The following PTPN21 variants were observed in gnomAD, a reference collection of about 807,000 sequenced individuals.
PTPN21 encodes tyrosine-protein phosphatase non-receptor type 21.
A neutral mutation model predicts 131.8 loss-of-function variants in PTPN21; 77 were observed. The ratio of observed to expected loss-of-function variants is 0.58; its 90% CI spans 0.49 to 0.71. The LOEUF is 0.71. Ranked by LOEUF, PTPN21 falls within the 30% of genes least tolerant of loss-of-function variation. The pLI, the probability that PTPN21 is intolerant of heterozygous loss-of-function variation, is 0.00. For missense variants in PTPN21, 1,552 were observed against 1,527.1 expected (o/e 1.02, Z -0.27); for synonymous variants, 715 against 621.3 (o/e 1.15, Z -2.24).
At chr14:88,549,574 G>A (rs936280592) in intron 2 of PTPN21, among the ~76,000 whole-genome samples, 4 of 151,968 alleles carry the variant, frequency 2.6e-5, no homozygotes, top group Non-Finnish European at 1.5e-5. Flanking sequence ...GCCAGCATGC[G>A]GGCCAGAGAA....
At chr14:88,531,393 C>A (rs988579356) in intron 2 of PTPN21, among the ~76,000 whole-genome samples, 1 of 152,056 alleles carries the variant, frequency 6.6e-6, no homozygotes, top group Non-Finnish European at 1.5e-5. Flanking sequence ...CCCATCTCTA[C>A]TAAAATTACA....
At chr14:88,547,978 C>A (rs1217236741) in intron 2 of PTPN21, among the ~76,000 whole-genome samples, 5 of 152,134 alleles carry the variant, frequency 3.3e-5, no homozygotes, top group Admixed American at 3.3e-4. Flanking sequence ...TAAAACTGAA[C>A]TCACCACACG....
At chr14:88,497,337 GAAAC>G (rs2077934926) in intron 8 of PTPN21, 47 bp from the exon 9 acceptor site, 1 of 1,408,494 alleles carries the variant, frequency 7.1e-7, no homozygotes, top group Non-Finnish European at 1.0e-6. Flanking sequence ...GCCCATGGGG[GAAAC>G]AAGGAGATAG....
At chr14:88,545,602 G>GA (rs1170371032) in intron 2 of PTPN21, among the ~76,000 whole-genome samples, 2 of 152,188 alleles carry the variant, frequency 1.3e-5, no homozygotes, top group African/African-American at 4.8e-5. Flanking sequence ...GATAGGCAGG[G>GA]AATTTCAACA....
intron 2 of PTPN21, among the ~76,000 whole-genome samples, chr14:88,534,824 C>A (rs2139345538): frequency 6.6e-6 from 1 of 152,208 alleles, no homozygotes; most frequent in East Asian, 1.9e-4. Context: ...CTGCAGTGAG[C>A]CATGATTGCG....
chr14:88,474,837 C>T lies in PTPN21; in HGVS notation c.2512-1035G>A, dbSNP rs543077849. Among the ~76,000 whole-genome samples, 21 of 152,146 alleles carry T rather than the reference C, an allele frequency of 1.4e-4. No homozygotes were observed. In the South Asian group the frequency reaches 2.5e-3, roughly 18 times the overall value. ...ATAAGAACACTAAGTTGACCAGGTG[C>T]GGGGGATCACGCCTGTAATCCTAGC... On this transcript the variant is annotated intron_variant, in intron 13 of 18. Coordinates refer to ENST00000556564, the MANE Select transcript of PTPN21 (RefSeq NM_007039.4).
chr14:88,469,328 TAATTTATAAACCTCGTTAACCCTCCCCA>T lies in PTPN21; in HGVS notation c.3235+143_3235+170del, dbSNP rs1439909067. Among the ~76,000 whole-genome samples, 4 of 152,148 alleles carry T rather than the reference TAATTTATAAACCTCGTTAACCCTCCCCA, an allele frequency of 2.6e-5. No individual in the cohort carries two copies. Among genetic ancestry groups the T allele is most frequent in the African/African-American group, 9.7e-5 (4 of 41,424 alleles). ...TGGCATTCTACTCACTACCAAATCA[TAATTTATAAACCTCGTTAACCCTCCCCA>T]AAACACTTGTATTCTTTATGTTAAA... On this transcript the variant is annotated intron_variant, in intron 17 of 18. Coordinates refer to ENST00000556564, the MANE Select transcript of PTPN21 (RefSeq NM_007039.4). The surrounding 1 kb of genome is among the most constrained non-coding windows in gnomAD (Gnocchi z 4.3).
chr14:88,554,469 A>C (rs1376804280), intron 1 of PTPN21, among the ~76,000 whole-genome samples, 182 bp downstream of exon 1: 3 of 152,248 alleles, frequency 2.0e-5, no homozygotes, highest in African/African-American at 7.2e-5. Context: ...CAAGTATATG[A>C]GAGCGAACCT....
rs748612968 is a variant in PTPN21 at position 88,480,024 on chromosome 14, G to A, written c.1407C>T (p.Ser469=). The A allele has an allele frequency of 2.5e-6, 4 of 1,613,644 alleles. No homozygotes were observed. Among genetic ancestry groups the A allele is most frequent in the Non-Finnish European group, 1.7e-6 (2 of 1,180,038 alleles). The change falls in exon 13 of 19, where the codon AGC becomes AGT. Residue 469 remains serine, a synonymous_variant. Coordinates refer to ENST00000556564, the MANE Select transcript of PTPN21 (RefSeq NM_007039.4). ...NRGLVHAERQ[S]HSLRNLNIGS... ...CGATGTTGAGGTTTCGCAGCGAGTG[G>A]CTCTGCCGTTCCGCATGCACCAGGC...
chr14:88,514,589 C>T (rs892804704), intron 3 of PTPN21, among the ~76,000 whole-genome samples: 3 of 151,886 alleles, frequency 2.0e-5, no homozygotes, highest in Admixed American at 6.6e-5. Flanking sequence ...CTCAGCCTCC[C>T]GAGTAGTTGG....
intron 8 of PTPN21, among the ~76,000 whole-genome samples, chr14:88,498,262 C>T (rs1440789104): frequency 2.7e-5 from 4 of 150,044 alleles, no homozygotes; most frequent in East Asian, 2.0e-4. Context: ...GGCAACAGAA[C>T]GAGACTCTGT....
chr14:88,535,050 T>C lies in PTPN21; in HGVS notation c.180+15188A>G, dbSNP rs373601642. Among the ~76,000 whole-genome samples the C allele has an allele frequency of 9.9e-5, 15 of 152,094 alleles. No homozygotes were observed. In the East Asian group the frequency reaches 2.3e-3, roughly 23 times the overall value. On this transcript the variant is annotated intron_variant, in intron 2 of 18. Coordinates refer to ENST00000556564, the MANE Select transcript of PTPN21 (RefSeq NM_007039.4). ...ATTCACGGTAAGTACCCTATACAGG[T>C]GTACCTTTTTAATCTTTTACCTCAC... is the stretch of plus-strand genomic sequence containing the variant.
intron 2 of PTPN21, among the ~76,000 whole-genome samples, chr14:88,528,788 TG>T (rs1326231644): frequency 1.3e-5 from 2 of 152,232 alleles, no homozygotes; most frequent in Non-Finnish European, 2.9e-5. Context: ...ATCTTCCTTT[TG>T]TAAGTTGCCC....
intron 13 of PTPN21, among the ~76,000 whole-genome samples, chr14:88,477,446 TAA>T (rs59381948): frequency 3.0e-4 from 23 of 76,378 alleles, no homozygotes; most frequent in Non-Finnish European, 4.1e-4. Context: ...AAGACTGTTC[TAA>T]AAAAAAAAAA....
Position 88,550,496 on chromosome 14 carries a change from A to C in PTPN21, c.-79T>G. 1 of 1,370,346 alleles carries C rather than the reference A, an allele frequency of 7.3e-7. No individual in the cohort carries two copies. The highest frequency in any genetic ancestry group is 1.3e-5 in the South Asian group (1 of 74,700). The allele number at this position is 1,370,346 out of a possible 1,614,324, so 84.9% of individuals were successfully genotyped here. Reference sequence around the variant, plus strand: ...ACCCAGCGCTGGTGACGCCAGGAGAAAGCGATCCTCTCCGGATGGGACGAA... The same window carrying C: ...ACCCAGCGCTGGTGACGCCAGGAGACAGCGATCCTCTCCGGATGGGACGAA... On this transcript the variant is annotated 5_prime_UTR_variant, in exon 2 of 19. Transcript: ENST00000556564.
intron 10 of PTPN21, 131 bp from the exon 11 acceptor site, chr14:88,485,973 GT>G (rs1426738240): frequency 1.8e-5 from 11 of 625,660 alleles, no homozygotes; most frequent in Non-Finnish European, 2.4e-5. Flanking sequence ...AAGTCATGAA[GT>G]CAAAGAAAAG....
chr14:88,469,563 G>C lies in PTPN21; in HGVS notation c.3171C>G (p.Val1057=). The change falls in exon 17 of 19, where the codon GTC becomes GTG. Residue 1057 remains valine, a synonymous_variant. Coordinates refer to ENST00000556564, the MANE Select transcript of PTPN21 (RefSeq NM_007039.4). The surrounding 1 kb of genome is among the most constrained non-coding windows in gnomAD (Gnocchi z 4.3). ...KHLLTGQERT[V]WHLQYTDWPE... ...GCCAGTCTGTGTATTGGAGGTGCCA[G>C]ACGGTCCTCTCTTGCCCAGTAAGGA... 1 of 1,614,164 alleles carries C rather than the reference G, an allele frequency of 6.2e-7. No homozygotes were observed. Among genetic ancestry groups the C allele is most frequent in the South Asian group, 1.1e-5 (1 of 91,072 alleles).
At chr14:88,505,452 A>G in intron 4 of PTPN21, 81 bp from the exon 5 acceptor site, 3 of 902,070 alleles carry the variant, frequency 3.3e-6, no homozygotes, top group African/African-American at 1.7e-5. Context: ...AATACGCAGT[A>G]TATCTAGATG....
intron 3 of PTPN21, among the ~76,000 whole-genome samples, chr14:88,516,134 G>C (rs1184289614): frequency 6.6e-6 from 1 of 152,102 alleles, no homozygotes; most frequent in African/African-American, 2.4e-5. Context: ...CTAGGAAAAA[G>C]ATACACGGAC....
Sources: allele counts gnomAD v4.1 joint callset (sites outside exome capture counted in the v4.1 genomes callset), GRCh38; gene constraint gnomAD v4.1.1; non-coding constraint Gnocchi (gnomAD v3.1); transcripts MANE v1.5; gene names NCBI Gene and HGNC (gene_info 2026-07-23, HGNC 2026-07-21).